Variants in TMEM164 observed in about 807,000 individuals in gnomAD.
TMEM164 encodes RP13-360B22.2.
TMEM164 carries 4 observed loss-of-function variants against 18.8 expected under a neutral mutation model. That is an observed-to-expected ratio of 0.21 (90% CI 0.10 to 0.49). The LOEUF is 0.49. TMEM164 is among the 20% of genes least tolerant of loss of function. The pLI, the probability that TMEM164 is intolerant of heterozygous loss-of-function variation, is 0.98. For synonymous variants in TMEM164, 86 were observed against 101.7 expected, an observed-to-expected ratio of 0.85 and a Z score of 0.93; for missense variants, 108 against 239.9, an observed-to-expected ratio of 0.45 and a Z score of 3.63.
chrX:110,084,377 AG>A (rs1246227093), intron 3 of TMEM164, among the ~76,000 whole-genome samples: 2 of 19,184 alleles, frequency 1.0e-4, no homozygotes, highest in Non-Finnish European at 1.4e-4. Flanking sequence ...GTATATATAT[AG>A]TGTATATATA....
At chrX:110,026,559 C>T (rs923836373) in intron 2 of TMEM164, among the ~76,000 whole-genome samples, 1 of 111,489 alleles carries the variant, frequency 9.0e-6, no homozygotes, top group Admixed American at 9.6e-5. Context: ...TTACCTACTT[C>T]TTCACAGTAA....
intron 5 of TMEM164, among the ~76,000 whole-genome samples, chrX:110,145,906 G>T (rs1427293070): frequency 8.9e-6 from 1 of 112,190 alleles, no homozygotes; most frequent in Admixed American, 9.4e-5. Flanking sequence ...CCAGAGATTT[G>T]CCTCCTATGC....
intron 2 of TMEM164, among the ~76,000 whole-genome samples, chrX:110,058,499 G>A (rs1935953886): frequency 9.3e-6 from 1 of 107,234 alleles, no homozygotes; most frequent in Non-Finnish European, 1.9e-5. Flanking sequence ...CTTTTTTATT[G>A]TTGAGTCTTA....
At chrX:110,093,232 G>C (rs1365821510) in intron 3 of TMEM164, among the ~76,000 whole-genome samples, 1 of 111,988 alleles carries the variant, frequency 8.9e-6, no homozygotes, top group Non-Finnish European at 1.9e-5. Flanking sequence ...CATAAAATAA[G>C]TTAGGAAGGA....
downstream of TMEM164, among the ~76,000 whole-genome samples, chrX:110,180,491 C>A (rs997924484): frequency 1.4e-4 from 14 of 103,551 alleles, no homozygotes; most frequent in Admixed American, 5.8e-4. Flanking sequence ...CTGAACCCCC[C>A]CGCCCCGCCC....
At chrX:110,141,166 C>T (rs1419944489) in intron 4 of TMEM164, among the ~76,000 whole-genome samples, 1 of 111,560 alleles carries the variant, frequency 9.0e-6, no homozygotes, top group Non-Finnish European at 1.9e-5. Context: ...AAAACAAAAA[C>T]AAAAACTTTT....
At chrX:110,134,202 G>A (rs1355279202) in intron 4 of TMEM164, among the ~76,000 whole-genome samples, 1 of 111,384 alleles carries the variant, frequency 9.0e-6, no homozygotes, top group Non-Finnish European at 1.9e-5. Flanking sequence ...TCTCTCAAGG[G>A]CTCTAAGCAC....
rs2067287507 is a variant in TMEM164 at position 110,176,184 on chromosome X, C to T, written c.*2733C>T. 2 of 755,069 alleles carry T rather than the reference C, an allele frequency of 2.6e-6. No individual in the cohort carries two copies. The highest frequency in any genetic ancestry group is 1.6e-6 in the Non-Finnish European group (1 of 639,368). 62.2% of individuals were successfully genotyped at this position (755,069 alleles called of 1,213,427 possible). On this transcript the variant is annotated 3_prime_UTR_variant, in exon 7 of 7. Transcript: ENST00000372068. Reference sequence around the variant, plus strand: ...GGCCTTAGGAAGGGAAAAGAGTACTCCCTCCAGCCCCTAGGTAGCCTTGGC... The same window carrying T: ...GGCCTTAGGAAGGGAAAAGAGTACTTCCTCCAGCCCCTAGGTAGCCTTGGC...
chrX:110,067,968 C>G (rs1280854556), intron 3 of TMEM164, among the ~76,000 whole-genome samples: 1 of 112,457 alleles, frequency 8.9e-6, no homozygotes, highest in Non-Finnish European at 1.9e-5. Context: ...ATCAAGAGTC[C>G]TGGAACCCTC....
chrX:110,126,236 A>G (rs2066526476), intron 4 of TMEM164, among the ~76,000 whole-genome samples: 1 of 111,735 alleles, frequency 8.9e-6, no homozygotes, highest in Admixed American at 9.5e-5. Flanking sequence ...CCCTCTGGGG[A>G]CAGATAGGGC....
chrX:110,143,804 G>GGTGTGT lies in TMEM164; in HGVS notation c.508-969_508-964dup, dbSNP rs759024255. On this transcript the variant is annotated intron_variant, in intron 4 of 6. Coordinates refer to ENST00000372068, the MANE Select transcript of TMEM164 (RefSeq NM_032227.4). ...CTTTGTCTGTCCTGGCATACTTTGG[G>GGTGTGT]GTGTGTGTGTGTGTGTGTGTGTGTG... is the stretch of plus-strand genomic sequence containing the variant. Among the ~76,000 whole-genome samples, 21 of 103,075 alleles carry GGTGTGT rather than the reference G, an allele frequency of 2.0e-4. 1 individual carries two copies. Among genetic ancestry groups the GGTGTGT allele is most frequent in the South Asian group, 1.3e-3 (3 of 2,304 alleles). 89.5% of individuals were successfully genotyped at this position (103,075 alleles called of 115,157 possible). A position where few individuals can be genotyped will look rare whatever the true frequency, so the allele number is the denominator to read the frequency against.
chrX:110,056,431 G>T (rs767648096), intron 2 of TMEM164, among the ~76,000 whole-genome samples: 1 of 112,007 alleles, frequency 8.9e-6, no homozygotes, highest in Non-Finnish European at 1.9e-5. Flanking sequence ...TTGTCTGTTG[G>T]TGAGCATTTG....
At chrX:110,039,651 A>G (rs1935004343) in intron 2 of TMEM164, among the ~76,000 whole-genome samples, 2 of 111,555 alleles carry the variant, frequency 1.8e-5, no homozygotes, top group East Asian at 5.6e-4. Flanking sequence ...AGTGAAGGAA[A>G]CCTTGTGTTC....
chrX:110,054,391 G>T (rs1397777772), intron 2 of TMEM164, among the ~76,000 whole-genome samples: 1 of 112,105 alleles, frequency 8.9e-6, no homozygotes, highest in East Asian at 2.8e-4. Flanking sequence ...TTCAGAAAAA[G>T]AATGCTTAAT....
chrX:110,117,530 C>A (rs1197800117), intron 4 of TMEM164, among the ~76,000 whole-genome samples: 1 of 111,782 alleles, frequency 8.9e-6, no homozygotes, highest in Admixed American at 9.5e-5. Context: ...CCCCAAATAC[C>A]CTGACTTGAT....
At chrX:110,131,874 G>A (rs910709723) in intron 4 of TMEM164, among the ~76,000 whole-genome samples, 1 of 112,037 alleles carries the variant, frequency 8.9e-6, no homozygotes, top group Non-Finnish European at 1.9e-5. Flanking sequence ...CTTTGTCTCA[G>A]TTTGAAGAAG....
chrX:110,089,508 C>A (rs1333877898), intron 3 of TMEM164, among the ~76,000 whole-genome samples: 1 of 112,282 alleles, frequency 8.9e-6, no homozygotes, highest in African/African-American at 3.2e-5. Flanking sequence ...AAATAAAGAT[C>A]ATTCTACATA....
chrX:110,081,640 A>C (rs73250280), intron 3 of TMEM164, among the ~76,000 whole-genome samples: 1,328 of 112,464 alleles, frequency 0.012, 11 homozygotes, highest in East Asian at 0.032. Context: ...TTGTTGTTTA[A>C]ATTGTTAAAA....
At chrX:110,017,312 A>G (rs779673244) in intron 2 of TMEM164, among the ~76,000 whole-genome samples, 20 of 112,104 alleles carry the variant, frequency 1.8e-4, no homozygotes, top group South Asian at 3.7e-4. Flanking sequence ...CTTCTTGCTC[A>G]CTATTAGAGA....
Sources: gnomAD v4.1 joint callset for allele counts (sites outside exome capture counted in the v4.1 genomes callset) on GRCh38, gnomAD v4.1.1 for gene constraint, MANE v1.5 for transcripts, NCBI Gene and HGNC (gene_info 2026-07-23, HGNC 2026-07-21) for gene names.